Variants in RUFY2 observed in about 807,000 individuals in gnomAD.
RUFY2 encodes RUN and FYVE domain containing 2.
RUFY2 carries 49 observed loss-of-function variants against 94.4 expected under a neutral mutation model. The observed-to-expected ratio is 0.52, with a 90% confidence interval of 0.41 to 0.66. The LOEUF (loss-of-function observed/expected upper bound fraction) is 0.66, where lower values mean the gene tolerates loss of function less well. Among genes scored for constraint, RUFY2 ranks in the 30% least tolerant of loss-of-function variants. The pLI, the probability that RUFY2 is intolerant of heterozygous loss-of-function variation, is 0.00. For synonymous variants in RUFY2, 255 were observed against 235.7 expected (o/e 1.08, Z -0.75); for missense variants, 541 against 692.8 (o/e 0.78, Z 2.46).
chr10:68,405,107 G>T (rs373782540), intron 1 of RUFY2, among the ~76,000 whole-genome samples: 1 of 152,078 alleles, frequency 6.6e-6, no homozygotes, highest in South Asian at 2.1e-4. Flanking sequence ...GAGGTCAAGA[G>T]ATTGAGACCA....
At chr10:68,355,036 G>A (rs1277777064) in intron 16 of RUFY2, among the ~76,000 whole-genome samples, 1 of 151,960 alleles carries the variant, frequency 6.6e-6, no homozygotes, top group African/African-American at 2.4e-5. Flanking sequence ...TAGTAGAGAT[G>A]GGATTTCACC....
chr10:68,388,837 CAAAA>C (rs71009052), intron 7 of RUFY2, among the ~76,000 whole-genome samples: 16 of 102,486 alleles, frequency 1.6e-4, no homozygotes, highest in Admixed American at 1.1e-3. Flanking sequence ...AACCCTGTCT[CAAAA>C]AAAAAAAAAA....
At chr10:68,388,230 C>T (rs1416203160) in intron 7 of RUFY2, among the ~76,000 whole-genome samples, 2 of 151,938 alleles carry the variant, frequency 1.3e-5, no homozygotes, top group South Asian at 2.1e-4. Flanking sequence ...TTTGGGAGGC[C>T]GAGGTTGGTG....
intron 16 of RUFY2, among the ~76,000 whole-genome samples, chr10:68,350,798 C>T (rs2046608360): frequency 6.6e-6 from 1 of 151,942 alleles, no homozygotes; most frequent in Non-Finnish European, 1.5e-5. Context: ...CCACAACCTC[C>T]GCCTCCCAGG....
chr10:68,377,601 T>G, intron 12 of RUFY2: 1 of 985,464 alleles, frequency 1.0e-6, no homozygotes, highest in Non-Finnish European at 1.2e-6. Context: ...AGAGATCATT[T>G]TTGTTCCTCA....
At chr10:68,395,211 G>A (rs760876170) in intron 4 of RUFY2, among the ~76,000 whole-genome samples, 3 of 151,890 alleles carry the variant, frequency 2.0e-5, no homozygotes, top group East Asian at 1.9e-4. Flanking sequence ...GGTGGCACAC[G>A]CCTGTAATTC....
At chr10:68,370,448 CTT>C (rs949829713) in intron 13 of RUFY2, among the ~76,000 whole-genome samples, 76 of 126,134 alleles carry the variant, frequency 6.0e-4, no homozygotes, top group African/African-American at 1.9e-3. Context: ...TTTCTTTTTT[CTT>C]TTTTTTTTTT....
At position 68,366,760 on chromosome 10, in the gene RUFY2, A is replaced by AT. The variant is rs779328580; in HGVS notation, c.1326-2648_1326-2647insA. Among the ~76,000 whole-genome samples the AT allele has an allele frequency of 6.0e-3, 743 of 123,170 alleles. 13 individuals carry two copies. Among genetic ancestry groups the AT allele is most frequent in the African/African-American group, 0.02 (706 of 35,196 alleles). 80.8% of individuals were successfully genotyped at this position (123,170 alleles called of 152,430 possible). ...CTAAAATATATATATATATATATAT[A>AT]ATATTAAATATATTAAATAAATAAT... On this transcript the variant is annotated intron_variant, in intron 13 of 17. Transcript: ENST00000602465.
At chr10:68,398,021 G>A (rs537827274) in intron 3 of RUFY2, among the ~76,000 whole-genome samples, 161 of 151,148 alleles carry the variant, frequency 1.1e-3, no homozygotes, top group African/African-American at 3.8e-3. Context: ...CAGCTATTCA[G>A]GAGGCTGAGG....
intron 13 of RUFY2, among the ~76,000 whole-genome samples, chr10:68,368,861 C>G (rs1285876531): frequency 6.6e-6 from 1 of 152,134 alleles, no homozygotes; most frequent in African/African-American, 2.4e-5. Context: ...CCAAGTGGAG[C>G]TGTTCCCGGG....
At chr10:68,383,582 T>A (rs1199685011) in intron 10 of RUFY2, among the ~76,000 whole-genome samples, 3 of 152,210 alleles carry the variant, frequency 2.0e-5, no homozygotes, top group Non-Finnish European at 4.4e-5. Flanking sequence ...ATCACACCAC[T>A]GCACTCCAGC....
intron 8 of RUFY2, among the ~76,000 whole-genome samples, chr10:68,384,929 G>A (rs2049364714): frequency 6.6e-6 from 1 of 152,128 alleles, no homozygotes; most frequent in Non-Finnish European, 1.5e-5. Context: ...ATTCTTAACT[G>A]CAGTCATGCA....
At chr10:68,378,460 A>G (rs2048810800) in intron 12 of RUFY2, 2 of 1,335,440 alleles carry the variant, frequency 1.5e-6, no homozygotes, top group Non-Finnish European at 1.9e-6. Context: ...GGTTCCTAAC[A>G]TCCTTTTAGA....
intron 7 of RUFY2, among the ~76,000 whole-genome samples, chr10:68,389,074 T>C (rs1294548913): frequency 1.3e-5 from 2 of 151,596 alleles, no homozygotes; most frequent in African/African-American, 2.4e-5. Flanking sequence ...TTGTACTGTT[T>C]TGGGTGTATA....
In RUFY2 at chr10:68,404,670, C is replaced by T; in HGVS notation, c.178+1G>A. On this transcript the variant is annotated splice_donor_variant, in intron 2 of 17. Transcript: ENST00000602465. LOFTEE classifies it high-confidence loss of function. The stretch of plus-strand genomic sequence containing the variant: ...ATTAATTTTTTAAAATCTCATGATA[C>T]CTTTAAGACCGTGTTTCAGGCAATG... 3.2e-6 allele frequency: 5 copies of T among 1,585,666 alleles called. No individual in the cohort carries two copies. The highest frequency in any genetic ancestry group is 4.3e-6 in the Non-Finnish European group (5 of 1,167,132).
At chr10:68,369,287 C>T (rs1302531061) in intron 13 of RUFY2, among the ~76,000 whole-genome samples, 2 of 152,006 alleles carry the variant, frequency 1.3e-5, no homozygotes, top group African/African-American at 4.8e-5. Flanking sequence ...GAGTTTGAGA[C>T]CAGCCTGGTC....
intron 15 of RUFY2, among the ~76,000 whole-genome samples, chr10:68,358,689 T>A (rs1371526976): frequency 1.3e-5 from 2 of 152,156 alleles, no homozygotes; most frequent in African/African-American, 2.4e-5. Flanking sequence ...GGCAGACGGA[T>A]AACCTGAGGT....
At chr10:68,364,791 C>T (rs1244425144) in intron 13 of RUFY2, among the ~76,000 whole-genome samples, 1 of 151,506 alleles carries the variant, frequency 6.6e-6, no homozygotes, top group African/African-American at 2.4e-5. Context: ...TGGACTCAAA[C>T]TCCTGGGCTC....
At position 68,345,764 on chromosome 10, in the gene RUFY2, A is replaced by T; in HGVS notation, c.*4T>A. The T allele has an allele frequency of 3.1e-6, 5 of 1,609,328 alleles. No homozygotes were observed. The highest frequency in any genetic ancestry group is 4.2e-6 in the Non-Finnish European group (5 of 1,177,178). On this transcript the variant is annotated 3_prime_UTR_variant, in exon 18 of 18. Transcript: ENST00000602465. ...TTCATACATAAGGATTTAGTTCTGG[A>T]GTCTCAGGGCAAGTTAGATGAGCAT...
Sources: allele counts gnomAD v4.1 joint callset (sites outside exome capture counted in the v4.1 genomes callset), GRCh38; gene constraint gnomAD v4.1.1; transcripts MANE v1.5; gene names NCBI Gene and HGNC (gene_info 2026-07-23, HGNC 2026-07-21).